The following CSMD3 variants were observed in gnomAD, a reference collection of about 807,000 sequenced individuals.
The protein encoded by CSMD3 is CUB and Sushi multiple domains 3.
Under a neutral mutation model 435.2 loss-of-function variants are expected in CSMD3, and 177 were observed. The observed-to-expected ratio is 0.41, with a 90% CI of 0.36 to 0.46. The LOEUF (loss-of-function observed/expected upper bound fraction) is 0.46. Among genes scored for constraint, CSMD3 ranks in the 20% least tolerant of loss-of-function variants. CSMD3 has a pLI of 0.34. For missense variants in CSMD3, 4,265 were observed against 4,504.6 expected (o/e 0.95, Z 1.52); for synonymous variants, 1,656 against 1,520.5 (o/e 1.09, Z -2.07).
At chr8:112,334,929 G>C (rs1206332434) in intron 45 of CSMD3, among the ~76,000 whole-genome samples, 1 of 152,176 alleles carries the variant, frequency 6.6e-6, no homozygotes, top group Non-Finnish European at 1.5e-5. Context: ...AAAGCGTGAA[G>C]ATACTGAATG....
chr8:113,046,177 C>G lies in CSMD3; in HGVS notation c.918-26998G>C, dbSNP rs78827770. Among the ~76,000 whole-genome samples, 339 of 149,058 alleles carry G rather than the reference C, an allele frequency of 2.3e-3. 6 individuals carry two copies. The highest frequency in any genetic ancestry group is 7.8e-3 in the African/African-American group (324 of 41,316). ...CCTCCTTCAGACCTCTGCTGGGATA[C>G]GACTGTCTCAGTCAGGCTGACGCCA... On this transcript the variant is annotated intron_variant, in intron 5 of 70. Coordinates refer to ENST00000297405, the MANE Select transcript of CSMD3 (RefSeq NM_198123.2).
chr8:113,215,168 C>G (rs747512407), intron 3 of CSMD3, among the ~76,000 whole-genome samples: 22 of 151,740 alleles, frequency 1.4e-4, no homozygotes, highest in Non-Finnish European at 2.5e-4. Context: ...ATTTGCTTTG[C>G]TTATAATTTT....
At chr8:112,959,953 C>A (rs930744035) in intron 7 of CSMD3, among the ~76,000 whole-genome samples, 13 of 151,692 alleles carry the variant, frequency 8.6e-5, no homozygotes, top group African/African-American at 3.1e-4. Flanking sequence ...TGGGACATGT[C>A]GATTAACTTT....
intron 3 of CSMD3, among the ~76,000 whole-genome samples, chr8:113,196,529 C>G (rs751730144): frequency 9.9e-5 from 15 of 151,156 alleles, no homozygotes; most frequent in Admixed American, 6.6e-5. Context: ...ACAGTCAGAA[C>G]AGCACATGAA....
chr8:113,359,458 A>G (rs1223007505), intron 1 of CSMD3, among the ~76,000 whole-genome samples: 1 of 152,214 alleles, frequency 6.6e-6, no homozygotes, highest in Non-Finnish European at 1.5e-5. Flanking sequence ...GAGGAAACAG[A>G]GCGGGGGCAA....
At chr8:112,531,282 C>T (rs1342874292) in intron 27 of CSMD3, among the ~76,000 whole-genome samples, 1 of 152,072 alleles carries the variant, frequency 6.6e-6, no homozygotes, top group Admixed American at 6.6e-5. Flanking sequence ...AATCTGCTAC[C>T]CTGGCAGGAT....
intron 6 of CSMD3, among the ~76,000 whole-genome samples, chr8:112,994,386 C>G (rs1253936286): frequency 6.6e-6 from 1 of 151,450 alleles, no homozygotes; most frequent in East Asian, 1.9e-4. Flanking sequence ...AGGACCACAC[C>G]AATGTGCTTC....
intron 45 of CSMD3, among the ~76,000 whole-genome samples, chr8:112,322,747 T>A (rs1823116403): frequency 6.6e-6 from 1 of 152,060 alleles, no homozygotes; most frequent in Non-Finnish European, 1.5e-5. Flanking sequence ...GAACCCCTTT[T>A]GTGGCACATG....
At chr8:113,358,863 T>C (rs915398863) in intron 1 of CSMD3, among the ~76,000 whole-genome samples, 1 of 152,120 alleles carries the variant, frequency 6.6e-6, no homozygotes, top group Non-Finnish European at 1.5e-5. Flanking sequence ...CTGGATTCAA[T>C]TTCATGCCAC....
At chr8:112,398,503 G>A (rs1243719631) in intron 35 of CSMD3, among the ~76,000 whole-genome samples, 1 of 152,192 alleles carries the variant, frequency 6.6e-6, no homozygotes, top group Non-Finnish European at 1.5e-5. Context: ...GACCCCTATG[G>A]CAGTTCTTTG....
chr8:112,883,845 T>C (rs1564064520), intron 10 of CSMD3, among the ~76,000 whole-genome samples: 1 of 142,058 alleles, frequency 7.0e-6, no homozygotes, highest in Non-Finnish European at 1.5e-5. Context: ...ATTGTCACTT[T>C]TTTTGTATGT....
chr8:113,377,167 C>G (rs1425075341), intron 1 of CSMD3: 1 of 1,245,362 alleles, frequency 8.0e-7, no homozygotes, highest in Non-Finnish European at 1.0e-6. Context: ...CCCGGAAACC[C>G]TGCAAACCCT....
intron 11 of CSMD3, among the ~76,000 whole-genome samples, chr8:112,854,474 C>A (rs1419148349): frequency 6.6e-6 from 1 of 152,152 alleles, no homozygotes; most frequent in Non-Finnish European, 1.5e-5. Flanking sequence ...TTGATGACTG[C>A]ATTGAAGCCA....
intron 23 of CSMD3, among the ~76,000 whole-genome samples, chr8:112,578,265 G>T (rs1031077243): frequency 2.9e-4 from 44 of 151,874 alleles, no homozygotes; most frequent in Non-Finnish European, 1.3e-4. Context: ...TCAATTATAC[G>T]AGCTAGTATG....
intron 10 of CSMD3, among the ~76,000 whole-genome samples, chr8:112,900,941 A>G (rs759017853): frequency 1.3e-5 from 2 of 151,212 alleles, no homozygotes; most frequent in Non-Finnish European, 3.0e-5. Context: ...AGGTACATTA[A>G]TTCTCCTTAA....
intron 1 of CSMD3, among the ~76,000 whole-genome samples, chr8:113,381,133 T>A (rs1237799861): frequency 6.6e-6 from 1 of 152,180 alleles, no homozygotes; most frequent in Non-Finnish European, 1.5e-5. Flanking sequence ...ATTTTTTTCT[T>A]TATTTGACAA....
chr8:112,412,949 T>C (rs76070744), intron 32 of CSMD3, among the ~76,000 whole-genome samples: 2,501 of 152,226 alleles, frequency 0.016, 34 homozygotes, highest in Admixed American at 0.025. Context: ...ATAGGGAACT[T>C]TGGGTACATA....
At chr8:112,431,233 T>G (rs1040579870) in intron 32 of CSMD3, among the ~76,000 whole-genome samples, 1 of 152,130 alleles carries the variant, frequency 6.6e-6, no homozygotes, top group African/African-American at 2.4e-5. Flanking sequence ...AAAGTCAGAT[T>G]CTACTACTAA....
chr8:112,736,678 G>A lies in CSMD3; in HGVS notation c.1973-46628C>T, dbSNP rs1388846866. On this transcript the variant is annotated intron_variant, in intron 13 of 70. Coordinates refer to ENST00000297405, the MANE Select transcript of CSMD3 (RefSeq NM_198123.2). ...TAAATCTATAATATTGTAATTCCAT[G>A]TTTGTGTATTTATCTTTCCTGCTGG... Among the ~76,000 whole-genome samples the A allele has an allele frequency of 3.3e-5, 5 of 152,040 alleles. No individual in the cohort carries two copies. The East Asian group carries it at 5.8e-4, about 18-fold the overall frequency.
Sources: allele counts gnomAD v4.1 joint callset (sites outside exome capture counted in the v4.1 genomes callset), GRCh38; gene constraint gnomAD v4.1.1; transcripts MANE v1.5; gene names NCBI Gene and HGNC (gene_info 2026-07-23, HGNC 2026-07-21).